Variants in ZNF90 observed in about 807,000 individuals in gnomAD.
The protein encoded by ZNF90 is zinc finger protein HTF9.
In ZNF90, 11 loss-of-function variants were observed where a neutral mutation model predicts 12.0. The observed-to-expected ratio is 0.92, with a 90% CI of 0.58 to 1.52. The LOEUF (loss-of-function observed/expected upper bound fraction) is 1.52, where lower values mean the gene tolerates loss of function less well. Among genes scored for constraint, ZNF90 ranks in the 40% most tolerant of loss-of-function variants. ZNF90 has a pLI of 0.00. For synonymous variants in ZNF90, 232 were observed against 240.1 expected (o/e 0.97, Z 0.31); for missense variants, 765 against 711.5 (o/e 1.08, Z -0.86).
chr19:20,105,013 AAAAC>A (rs1354549602), intron 2 of ZNF90, among the ~76,000 whole-genome samples: 4 of 151,552 alleles, frequency 2.6e-5, no homozygotes, highest in Non-Finnish European at 5.9e-5. Flanking sequence ...AAACAAACAA[AAAAC>A]AAAACAAAAC....
chr19:20,095,784 G>C (rs1380095032), intron 1 of ZNF90, among the ~76,000 whole-genome samples: 2 of 151,700 alleles, frequency 1.3e-5, no homozygotes, highest in Non-Finnish European at 2.9e-5. Flanking sequence ...AGGGGTTGAG[G>C]GGTTCTTGCC....
chr19:20,098,306 T>C (rs1278129769), intron 1 of ZNF90, among the ~76,000 whole-genome samples: 1 of 152,196 alleles, frequency 6.6e-6, no homozygotes, highest in African/African-American at 2.4e-5. Context: ...GCATTTTCTG[T>C]ATTGTGAGAT....
In ZNF90 at chr19:20,104,314, A is replaced by G. The variant is rs781819312; in HGVS notation, c.79A>G (p.Asn27Asp). 1.9e-6 allele frequency: 3 copies of G among 1,613,960 alleles called. No homozygotes were observed. Among genetic ancestry groups the G allele is most frequent in the Non-Finnish European group, 2.5e-6 (3 of 1,179,972 alleles). Residue 27 changes from asparagine (N) to aspartate (D), a missense_variant, in exon 2 of 4, where the codon AAT becomes GAT. Physicochemically the swap from Asn to Asp is conservative, Grantham distance 23. Transcript: ENST00000418063. ...GCATTGCCTGGACACTGCACAGCAGAATTTATATAGGGATGTGATGTTAGA... is the reference window on the plus strand; with the variant it reads ...GCATTGCCTGGACACTGCACAGCAGGATTTATATAGGGATGTGATGTTAGA... Reference protein sequence around the residue: ...EWHCLDTAQQNLYRDVMLENY... With the variant: ...EWHCLDTAQQDLYRDVMLENY...
At chr19:20,116,468 G>C (rs535241111) in intron 3 of ZNF90, among the ~76,000 whole-genome samples, 2 of 152,186 alleles carry the variant, frequency 1.3e-5, no homozygotes, top group Non-Finnish European at 2.9e-5. Flanking sequence ...ACCCTGGCCT[G>C]TTCAATTTAT....
intron 1 of ZNF90, among the ~76,000 whole-genome samples, chr19:20,081,625 A>G (rs989447548): frequency 1.3e-5 from 2 of 152,174 alleles, no homozygotes; most frequent in African/African-American, 4.8e-5. Context: ...CCTCCTCTTT[A>G]TAATCTCATC....
intron 3 of ZNF90, among the ~76,000 whole-genome samples, chr19:20,108,320 AT>A (rs1269776311): frequency 1.3e-5 from 2 of 152,134 alleles, no homozygotes; most frequent in Non-Finnish European, 2.9e-5. Flanking sequence ...GTTAAAAAAA[AT>A]TTTTTGGAGA....
At chr19:20,116,246 T>A (rs183952638) in intron 3 of ZNF90, among the ~76,000 whole-genome samples, 218 of 152,332 alleles carry the variant, frequency 1.4e-3, no homozygotes, top group African/African-American at 5.1e-3. Context: ...CTCCACTCAC[T>A]GCAACCATCC....
chr19:20,112,993 A>G (rs2089103018), intron 3 of ZNF90, among the ~76,000 whole-genome samples: 1 of 152,056 alleles, frequency 6.6e-6, no homozygotes, highest in Non-Finnish European at 1.5e-5. Context: ...TTTTTTGTTT[A>G]TAATTGTATA....
chr19:20,111,886 TCTCA>T lies in ZNF90; in HGVS notation c.227-5891_227-5888del, dbSNP rs1456476273. ...GCAGATTTTTTTTTTTGGGATGGAG[TCTCA>T]CTCTATTGCCCAGGCTGGAGTACAG... On this transcript the variant is annotated intron_variant, in intron 3 of 3. Transcript: ENST00000418063. Among the ~76,000 whole-genome samples, 170 of 150,722 alleles carry T rather than the reference TCTCA, an allele frequency of 1.1e-3. 1 individual carries two copies. The highest frequency in any genetic ancestry group is 3.9e-3 in the African/African-American group (157 of 40,696).
intron 1 of ZNF90, among the ~76,000 whole-genome samples, chr19:20,081,420 C>T (rs948126001): frequency 2.0e-5 from 3 of 152,158 alleles, no homozygotes; most frequent in African/African-American, 7.2e-5. Context: ...AAATCCTGAC[C>T]TCATGATCCA....
At chr19:20,082,357 G>A (rs2088826712) in intron 1 of ZNF90, among the ~76,000 whole-genome samples, 1 of 152,148 alleles carries the variant, frequency 6.6e-6, no homozygotes, top group Admixed American at 6.5e-5. Flanking sequence ...GGAAAAGAGA[G>A]ATCAGACTGT....
At chr19:20,078,192 G>A (rs1239495802) in intron 1 of ZNF90, 57 bp downstream of exon 1, 3 of 1,611,888 alleles carry the variant, frequency 1.9e-6, no homozygotes, top group African/African-American at 1.3e-5. Context: ...GAACCGATGG[G>A]AAGTGGCTGT....
intron 1 of ZNF90, chr19:20,080,250 C>A: frequency 1.7e-6 from 1 of 583,076 alleles, no homozygotes; most frequent in Non-Finnish European, 3.4e-6. Flanking sequence ...TGCAATTCTT[C>A]ACCAGGGTCT....
chr19:20,105,723 C>T (rs2217650), intron 3 of ZNF90, among the ~76,000 whole-genome samples: 1 of 152,114 alleles, frequency 6.6e-6, no homozygotes, highest in Non-Finnish European at 1.5e-5. Context: ...AGTTTCATTT[C>T]TTTGTTCATT....
At chr19:20,086,015 A>G (rs1212268073) in intron 1 of ZNF90, among the ~76,000 whole-genome samples, 2 of 152,202 alleles carry the variant, frequency 1.3e-5, no homozygotes, top group East Asian at 3.9e-4. Context: ...AAAAGATACT[A>G]AATTTCTTTG....
At chr19:20,089,537 G>A (rs1238425130) in intron 1 of ZNF90, among the ~76,000 whole-genome samples, 1 of 152,168 alleles carries the variant, frequency 6.6e-6, no homozygotes, top group Non-Finnish European at 1.5e-5. Flanking sequence ...AATTCCAGTG[G>A]GTCTTTGCGG....
At chr19:20,091,761 C>T (rs571750494) in intron 1 of ZNF90, among the ~76,000 whole-genome samples, 13 of 151,618 alleles carry the variant, frequency 8.6e-5, no homozygotes, top group African/African-American at 3.1e-4. Flanking sequence ...CCTCTTTCAG[C>T]CCATATGACT....
At chr19:20,104,594 G>A (rs1555704211) in intron 2 of ZNF90, among the ~76,000 whole-genome samples, 1 of 152,042 alleles carries the variant, frequency 6.6e-6, no homozygotes, top group Non-Finnish European at 1.5e-5. Context: ...CTAAATTAGT[G>A]GTAATTCCAG....
chr19:20,079,394 T>A (rs1205116931), intron 1 of ZNF90, among the ~76,000 whole-genome samples: 1 of 151,408 alleles, frequency 6.6e-6, no homozygotes, highest in Non-Finnish European at 1.5e-5. Context: ...TTACTGATAA[T>A]GATGTTATTG....
Sources: gnomAD v4.1 joint callset for allele counts (sites outside exome capture counted in the v4.1 genomes callset) on GRCh38, gnomAD v4.1.1 for gene constraint, MANE v1.5 for transcripts, NCBI Gene and HGNC (gene_info 2026-07-23, HGNC 2026-07-21) for gene names.